CCDC191: variants seen among roughly 807,000 people sequenced by gnomAD.
CCDC191 encodes coiled-coil domain containing 191.
Under a neutral mutation model 114.0 loss-of-function variants are expected in CCDC191, and 99 were observed. The ratio of observed to expected loss-of-function variants is 0.87; its 90% CI spans 0.74 to 1.03. The LOEUF is 1.03. CCDC191 is among the 50% of genes least tolerant of loss of function. The pLI is 0.00. For synonymous variants in CCDC191, 351 were observed against 376.0 expected, an observed-to-expected ratio of 0.93 and a Z score of 0.77; for missense variants, 973 against 1,087.0, an observed-to-expected ratio of 0.90 and a Z score of 1.47.
Position 114,018,849 on chromosome 3 carries a change from G to T in CCDC191, c.992C>A (p.Ala331Asp). ...ATCAAGAATCAGCTTGTGCCAGGCA[G>T]CGAAATACCGTTTTTGACACTGCAG... ...ENQQCQKRYF[A>D]AWHKLILDHR... is the part of the protein sequence containing the mutation. Residue 331 changes from alanine (A) to aspartate (D), a missense_variant, in exon 8 of 17, where the codon GCT becomes GAT. Transcript: ENST00000295878. The T allele has an allele frequency of 4.3e-6, 7 of 1,613,586 alleles. No individual in the cohort carries two copies. Among genetic ancestry groups the T allele is most frequent in the Non-Finnish European group, 5.9e-6 (7 of 1,179,752 alleles).
Position 113,965,084 on chromosome 3 carries a change from T to TGTGG in CCDC191, c.*67_*70dup. The stretch of plus-strand genomic sequence containing the variant: ...TAAACCAGGTGTATGTATGTATGTG[T>TGTGG]GTGGGTGGGTGGAGATAACACACAT... On this transcript the variant is annotated 3_prime_UTR_variant, in exon 17 of 17. Transcript: ENST00000295878. The TGTGG allele has an allele frequency of 1.2e-6, 1 of 829,506 alleles. No homozygotes were observed. Among genetic ancestry groups the TGTGG allele is most frequent in the Non-Finnish European group, 1.9e-6 (1 of 527,512 alleles). The allele number at this position is 829,506 out of a possible 1,614,324, so 51.4% of individuals were successfully genotyped here.
chr3:113,994,437 T>C (rs576565320), intron 13 of CCDC191, among the ~76,000 whole-genome samples: 9 of 152,318 alleles, frequency 5.9e-5, no homozygotes, highest in African/African-American at 1.9e-4. Context: ...CATTTATCAC[T>C]GGTAGGAACA....
At chr3:114,025,746 CTTCT>C (rs1559918627) in intron 7 of CCDC191, among the ~76,000 whole-genome samples, 1 of 152,108 alleles carries the variant, frequency 6.6e-6, no homozygotes, top group Non-Finnish European at 1.5e-5. Flanking sequence ...TTCTCTTTGC[CTTCT>C]TTCTTCATGT....
chr3:114,005,565 C>T lies in CCDC191; in HGVS notation c.1811G>A (p.Ser604Asn), dbSNP rs368237536. 19 of 1,613,932 alleles carry T rather than the reference C, an allele frequency of 1.2e-5. No homozygotes were observed. The African/African-American group carries it at 2.0e-4, about 17-fold the overall frequency. Residue 604 changes from serine (S) to asparagine (N), a missense_variant, in exon 10 of 17, where the codon AGC becomes AAC. Ser to Asn is a conservative substitution (Grantham distance 46). Transcript: ENST00000295878. ...EHALAVTEAQSHLLSKPREEE... is the reference protein window; with the variant it reads ...EHALAVTEAQNHLLSKPREEE... ...TTCTCTGGGCTTTGACAGCAGGTGG[C>T]TCTGTGCTTCTGTGACTGCTAAGGC...
intron 16 of CCDC191, among the ~76,000 whole-genome samples, chr3:113,970,742 G>C (rs113856831): frequency 4.7e-5 from 7 of 148,498 alleles, no homozygotes; most frequent in African/African-American, 1.2e-4. Context: ...AGCAGACCCC[G>C]GTGTGTGATG....
chr3:113,983,480 G>A (rs1457488166), intron 13 of CCDC191, among the ~76,000 whole-genome samples: 6 of 152,130 alleles, frequency 3.9e-5, no homozygotes, highest in Admixed American at 3.9e-4. Context: ...ACATGCCCCC[G>A]CCAACTAGAC....
chr3:113,966,287 GTGTC>G (rs1478393410), intron 16 of CCDC191, among the ~76,000 whole-genome samples: 4 of 152,174 alleles, frequency 2.6e-5, no homozygotes, highest in African/African-American at 9.7e-5. Flanking sequence ...GTTTAAGTGA[GTGTC>G]TGTGCTGTCA....
At chr3:114,050,930 T>G (rs990073168) in intron 2 of CCDC191, among the ~76,000 whole-genome samples, 3 of 152,160 alleles carry the variant, frequency 2.0e-5, no homozygotes, top group African/African-American at 7.2e-5. Flanking sequence ...GGTGGACTGT[T>G]GCATTTTGGG....
rs535657735 is a variant in CCDC191 at position 114,056,376 on chromosome 3, C to T, written c.90+1G>A. On this transcript the variant is annotated splice_donor_variant, in intron 1 of 16. Coordinates refer to ENST00000295878, the MANE Select transcript of CCDC191 (RefSeq NM_020817.2). LOFTEE classifies it high-confidence loss of function. ...CCTCCAAAGCTCTCGATTGGGATCA[C>T]CTTGGGACTCGGCTTCCTTGTGAAC... 43 of 1,614,140 alleles carry T rather than the reference C, an allele frequency of 2.7e-5. 1 individual carries two copies. The South Asian group carries it at 4.4e-4, about 16-fold the overall frequency.
At chr3:114,010,715 G>C (rs1002988524) in intron 9 of CCDC191, 57 bp downstream of exon 9, 1 of 1,525,220 alleles carries the variant, frequency 6.6e-7, no homozygotes, top group Non-Finnish European at 8.9e-7. Context: ...TGACATACCA[G>C]CTATAAAAGC....
intron 1 of CCDC191, among the ~76,000 whole-genome samples, 186 bp from the exon 2 acceptor site, chr3:114,053,821 G>A (rs905023767): frequency 6.6e-6 from 1 of 152,158 alleles, no homozygotes; most frequent in Non-Finnish European, 1.5e-5. Flanking sequence ...GAGAAAACAT[G>A]AAGCCTTCCT....
intron 7 of CCDC191, among the ~76,000 whole-genome samples, chr3:114,028,858 G>A (rs906446219): frequency 5.3e-5 from 8 of 150,806 alleles, no homozygotes; most frequent in Non-Finnish European, 1.2e-4. Flanking sequence ...CCCTTGTGTT[G>A]CTGAACTCAT....
Position 113,965,084 on chromosome 3 carries a change from TGTGG to T in CCDC191, c.*67_*70del. ...TAAACCAGGTGTATGTATGTATGTGTGTGGGTGGGTGGAGATAACACACATACAG... is the reference window on the plus strand; with the variant it reads ...TAAACCAGGTGTATGTATGTATGTGTGTGGGTGGAGATAACACACATACAG... On this transcript the variant is annotated 3_prime_UTR_variant, in exon 17 of 17. Coordinates refer to ENST00000295878, the MANE Select transcript of CCDC191 (RefSeq NM_020817.2). 2.4e-6 allele frequency: 2 copies of T among 829,502 alleles called. No homozygotes were observed. Among genetic ancestry groups the T allele is most frequent in the Non-Finnish European group, 3.8e-6 (2 of 527,510 alleles). 51.4% of individuals were successfully genotyped at this position (829,502 alleles called of 1,614,324 possible).
chr3:114,018,914 T>C lies in CCDC191; in HGVS notation c.973-46A>G, dbSNP rs750889216. ...AAATCACCACCCATCAGCGCTAGTG[T>C]TTCTAATATCTAACACTGACAGCCC... On this transcript the variant is annotated intron_variant, in intron 7 of 16. Transcript: ENST00000295878. The C allele has an allele frequency of 7.7e-6, 12 of 1,552,896 alleles. No homozygotes were observed. The Admixed American group carries it at 1.6e-4, about 21-fold the overall frequency.
At chr3:113,974,008 A>G (rs1941078034) in intron 16 of CCDC191, among the ~76,000 whole-genome samples, 1 of 151,078 alleles carries the variant, frequency 6.6e-6, no homozygotes, top group African/African-American at 2.4e-5. Context: ...GCATATTTTC[A>G]AGTGGCTTGT....
At chr3:113,983,777 C>T (rs1194368250) in intron 13 of CCDC191, among the ~76,000 whole-genome samples, 3 of 152,162 alleles carry the variant, frequency 2.0e-5, no homozygotes, top group African/African-American at 4.8e-5. Context: ...TAAATCTTGC[C>T]TTGTCTTCTC....
chr3:113,993,537 G>A (rs1313387399), intron 13 of CCDC191, among the ~76,000 whole-genome samples: 1 of 152,074 alleles, frequency 6.6e-6, no homozygotes, highest in Non-Finnish European at 1.5e-5. Flanking sequence ...ACAACTGAAC[G>A]TCCATATAAA....
intron 1 of CCDC191, 41 bp from the exon 2 acceptor site, chr3:114,053,676 CT>C: frequency 7.3e-7 from 1 of 1,379,160 alleles, no homozygotes; most frequent in Non-Finnish European, 1.0e-6. Context: ...GCAGCAATAT[CT>C]TTATCAACTT....
chr3:114,001,621 G>A lies in CCDC191; in HGVS notation c.2137C>T (p.Arg713Ter), dbSNP rs975793972. 7 of 1,613,608 alleles carry A rather than the reference G, an allele frequency of 4.3e-6. No homozygotes were observed. Among genetic ancestry groups the A allele is most frequent in the East Asian group, 2.2e-5 (1 of 44,878 alleles). The change falls in exon 13 of 17, where the codon CGA becomes TGA. Residue 713 changes from arginine to a stop codon, truncating the protein, a stop_gained. Coordinates refer to ENST00000295878, the MANE Select transcript of CCDC191 (RefSeq NM_020817.2). LOFTEE classifies it high-confidence loss of function. ...ATTTTCTTCAGTCTCTTCTCTTCTC[G>A]TTTTCTTTCAAGCTGTGCCTCCTTT... ...EEKEAQLERK[R>*]EEKRLKKMKE...
Sources: gnomAD v4.1 joint callset for allele counts (sites outside exome capture counted in the v4.1 genomes callset) on GRCh38, gnomAD v4.1.1 for gene constraint, MANE v1.5 for transcripts, NCBI Gene and HGNC (gene_info 2026-07-23, HGNC 2026-07-21) for gene names.